PTPRG: variants seen among roughly 807,000 people sequenced by gnomAD.
The protein encoded by PTPRG is protein tyrosine phosphatase receptor type G, also known as receptor-type tyrosine-protein phosphatase gamma.
Under a neutral mutation model 165.3 loss-of-function variants are expected in PTPRG, and 102 were observed. The ratio of observed to expected loss-of-function variants is 0.62; its 90% CI spans 0.53 to 0.73. The LOEUF (loss-of-function observed/expected upper bound fraction) is 0.73. Among genes scored for constraint, PTPRG ranks in the 30% least tolerant of loss-of-function variants. The pLI is 0.00. For synonymous variants in PTPRG, 675 were observed against 669.5 expected (o/e 1.01, Z -0.13); for missense variants, 1,866 against 1,861.4 (o/e 1.00, Z -0.05).
At chr3:61,991,225 A>C (rs2107696670) in intron 3 of PTPRG, among the ~76,000 whole-genome samples, 1 of 152,340 alleles carries the variant, frequency 6.6e-6, no homozygotes, top group South Asian at 2.1e-4. Context: ...TAAATTTTTG[A>C]GACGGAGTCT....
chr3:62,087,113 A>C (rs1211591679), intron 5 of PTPRG, among the ~76,000 whole-genome samples: 1 of 152,204 alleles, frequency 6.6e-6, no homozygotes, highest in Non-Finnish European at 1.5e-5. Context: ...TAAGTCACAG[A>C]ATGTGATTTT....
intron 2 of PTPRG, among the ~76,000 whole-genome samples, chr3:61,984,861 G>C (rs1182927339): frequency 6.6e-6 from 1 of 152,160 alleles, no homozygotes; most frequent in Non-Finnish European, 1.5e-5. Flanking sequence ...TTTGAGGAGT[G>C]TTTGTCAATT....
chr3:61,947,921 T>A (rs1459268820), intron 2 of PTPRG, among the ~76,000 whole-genome samples: 1 of 152,126 alleles, frequency 6.6e-6, no homozygotes, highest in Non-Finnish European at 1.5e-5. Flanking sequence ...AAGGACTGAA[T>A]ATGGAATGAG....
At chr3:62,024,922 C>T (rs931746784) in intron 4 of PTPRG, among the ~76,000 whole-genome samples, 5 of 152,184 alleles carry the variant, frequency 3.3e-5, no homozygotes, top group Non-Finnish European at 5.9e-5. Context: ...ACCACATTTT[C>T]AGTAATAATC....
chr3:62,128,653 G>A (rs185845626), intron 5 of PTPRG, among the ~76,000 whole-genome samples: 1 of 150,550 alleles, frequency 6.6e-6, no homozygotes. Flanking sequence ...CCATTTCACA[G>A]ACAAGGACAC....
At chr3:61,693,891 C>T (rs889827836) in intron 1 of PTPRG, among the ~76,000 whole-genome samples, 1 of 151,740 alleles carries the variant, frequency 6.6e-6, no homozygotes, top group Non-Finnish European at 1.5e-5. Flanking sequence ...GCTTGTAGTC[C>T]CAGCTACTCG....
intron 13 of PTPRG, among the ~76,000 whole-genome samples, chr3:62,221,220 T>C (rs1232315130): frequency 6.6e-6 from 1 of 152,216 alleles, no homozygotes. Context: ...TGAAATATTT[T>C]TATGATGTTT....
intron 2 of PTPRG, among the ~76,000 whole-genome samples, chr3:61,869,954 C>A (rs677216): frequency 0.29 from 43,786 of 151,612 alleles, 7,538 homozygotes; most frequent in African/African-American, 0.49. Flanking sequence ...TGATTCGACT[C>A]TCATCCTATA....
At chr3:62,023,116 A>C (rs563615142) in intron 4 of PTPRG, among the ~76,000 whole-genome samples, 2 of 152,170 alleles carry the variant, frequency 1.3e-5, no homozygotes, top group Non-Finnish European at 2.9e-5. Context: ...TAAATAATGT[A>C]ATGAAACAGA....
intron 1 of PTPRG, among the ~76,000 whole-genome samples, chr3:61,589,621 T>C (rs1267250518): frequency 6.6e-6 from 1 of 151,916 alleles, no homozygotes; most frequent in African/African-American, 2.4e-5. Flanking sequence ...AGGTGGTTGA[T>C]GGGGTGGGGT....
At chr3:61,752,844 A>T (rs2033498110) in intron 2 of PTPRG, among the ~76,000 whole-genome samples, 2 of 150,582 alleles carry the variant, frequency 1.3e-5, no homozygotes, top group Non-Finnish European at 1.5e-5. Flanking sequence ...GCTTATAGTA[A>T]TATAGCCTGG....
chr3:61,658,789 C>G (rs1050748523), intron 1 of PTPRG, among the ~76,000 whole-genome samples: 8 of 152,200 alleles, frequency 5.3e-5, no homozygotes, highest in Non-Finnish European at 4.4e-5. Context: ...TGGCCATGAT[C>G]TAGTGCTCCC....
Position 62,191,138 on chromosome 3 carries a change from T to C in PTPRG, c.1034-331T>C, listed in dbSNP as rs145754962. 8.9e-3 allele frequency among the ~76,000 whole-genome samples: 1,343 copies of C among 151,498 alleles called. 5 individuals carry two copies. The highest frequency in any genetic ancestry group is 0.031 in the Middle Eastern group (9 of 294). On this transcript the variant is annotated intron_variant, in intron 8 of 29. Coordinates refer to ENST00000474889, the MANE Select transcript of PTPRG (RefSeq NM_002841.4). ...ATGCACATGTGTGCGTGTGTGCGTC[T>C]GTGTCCCGTGCACGTGTGTGTGCGC... is the stretch of plus-strand genomic sequence containing the variant.
At chr3:62,144,460 A>C (rs2106654324) in intron 6 of PTPRG, among the ~76,000 whole-genome samples, 1 of 152,354 alleles carries the variant, frequency 6.6e-6, no homozygotes, top group African/African-American at 2.4e-5. Flanking sequence ...GAACAGGAAA[A>C]CCAATGCTGT....
chr3:62,147,305 C>G (rs560974813), intron 6 of PTPRG, among the ~76,000 whole-genome samples: 1 of 152,258 alleles, frequency 6.6e-6, no homozygotes, highest in African/African-American at 2.4e-5. Flanking sequence ...AACCCAGTCA[C>G]TGTAAACAGA....
At chr3:62,205,004 G>A (rs1457216321) in intron 12 of PTPRG, among the ~76,000 whole-genome samples, 8 of 150,560 alleles carry the variant, frequency 5.3e-5, no homozygotes, top group African/African-American at 1.7e-4. Flanking sequence ...AGTTATAAGA[G>A]TGCAAAAAAA....
At chr3:61,952,176 A>G (rs1029913834) in intron 2 of PTPRG, among the ~76,000 whole-genome samples, 1 of 151,288 alleles carries the variant, frequency 6.6e-6, no homozygotes, top group African/African-American at 2.4e-5. Context: ...CTCAGACCTC[A>G]TATGTGGAGG....
At chr3:61,970,134 A>C (rs2040351062) in intron 2 of PTPRG, among the ~76,000 whole-genome samples, 1 of 152,200 alleles carries the variant, frequency 6.6e-6, no homozygotes, top group African/African-American at 2.4e-5. Context: ...CATGTGAGAT[A>C]TATCTTCTGA....
chr3:61,878,691 A>G (rs2037808165), intron 2 of PTPRG, among the ~76,000 whole-genome samples: 1 of 151,868 alleles, frequency 6.6e-6, no homozygotes, highest in Non-Finnish European at 1.5e-5. Flanking sequence ...TTTAGTAGAG[A>G]TGAGGTCTTA....
Sources: allele counts gnomAD v4.1 joint callset (sites outside exome capture counted in the v4.1 genomes callset), GRCh38; gene constraint gnomAD v4.1.1; transcripts MANE v1.5; gene names NCBI Gene and HGNC (gene_info 2026-07-23, HGNC 2026-07-21).